WDR86: variants seen among roughly 807,000 people sequenced by gnomAD.
The protein encoded by WDR86 is WD repeat-containing protein 86.
WDR86 carries 30 observed loss-of-function variants against 36.5 expected under a neutral mutation model. The ratio of observed to expected loss-of-function variants is 0.82; its 90% confidence interval spans 0.61 to 1.11. The LOEUF is 1.11. Ranked by LOEUF, WDR86 falls within the 50% of genes most tolerant of loss-of-function variation. The probability of loss-of-function intolerance (pLI) is 0.00; values close to 1 mark genes in which losing one functional copy is unlikely to be tolerated. For missense variants in WDR86, 545 were observed against 561.2 expected, an observed-to-expected ratio of 0.97 and a Z score of 0.29; for synonymous variants, 255 against 252.9, an observed-to-expected ratio of 1.01 and a Z score of -0.08.
At chr7:151,407,481 C>T (rs970862727) in intron 1 of WDR86, among the ~76,000 whole-genome samples, 2 of 152,180 alleles carry the variant, frequency 1.3e-5, no homozygotes, top group Admixed American at 6.5e-5. Context: ...TCCCACAACC[C>T]GTCCCCAGCC....
In WDR86 at chr7:151,382,007, C is replaced by A. The variant is rs1584991847; in HGVS notation, c.863-26G>T. The A allele has an allele frequency of 1.9e-6, 3 of 1,566,788 alleles. No individual in the cohort carries two copies. The East Asian group carries it at 7.1e-5, about 37-fold the overall frequency. ...CTGCGGACACACAGCGCGCGCTGGG[C>A]CTCCCTCCCTGCTCGGCCCCCCGCA... On this transcript the variant is annotated intron_variant, in intron 4 of 5. Transcript: ENST00000334493.
At chr7:151,377,244 G>A (rs372764827), downstream of WDR86, 76 of 1,470,542 alleles carry the variant, frequency 5.2e-5, no homozygotes, top group East Asian at 1.2e-4. Flanking sequence ...CAGAAATAGC[G>A]CTAATTTTCT....
intron 3 of WDR86, among the ~76,000 whole-genome samples, chr7:151,387,640 G>A (rs1015017574): frequency 1.3e-5 from 2 of 152,232 alleles, no homozygotes; most frequent in South Asian, 2.1e-4. Flanking sequence ...GGGCTCCGCC[G>A]CTGAGGGCAC....
rs1023070099 is a variant in WDR86 at position 151,409,300 on chromosome 7, G to T, written c.163+127C>A. The T allele has an allele frequency of 2.8e-6, 4 of 1,410,286 alleles. No homozygotes were observed. The highest frequency in any genetic ancestry group is 2.9e-5 in the African/African-American group (2 of 70,170). 87.4% of individuals were successfully genotyped at this position (1,410,286 alleles called of 1,614,324 possible). On this transcript the variant is annotated intron_variant, in intron 1 of 5. Transcript: ENST00000334493. The surrounding 1 kb of genome is among the most constrained non-coding windows in gnomAD (Gnocchi z 5.2). ...GCTGGGCCCAGACAAGCGCTCTTCC[G>T]CTAGTGTGCCGGGATGAGCGGGGGC...
intron 2 of WDR86, 30 bp from the exon 3 acceptor site, chr7:151,396,226 C>T (rs1799816995): frequency 6.2e-7 from 1 of 1,612,034 alleles, no homozygotes; most frequent in African/African-American, 1.3e-5. Flanking sequence ...GGTCAGGGAT[C>T]AGAAGGCACG....
chr7:151,379,703 C>A (rs1280387937), downstream of WDR86, among the ~76,000 whole-genome samples: 1 of 152,330 alleles, frequency 6.6e-6, no homozygotes, highest in Non-Finnish European at 1.5e-5. Context: ...GTGAGTGCAG[C>A]GCCCGTGTTT....
chr7:151,381,690 G>A lies in WDR86; in HGVS notation c.1023C>T (p.Asp341=), dbSNP rs1175131031. ...GCGGGGCACCTCGGAGCCCGCGCAC[G>A]TCCCAGAGGCGCAGGGCGCCGTCGT... ...ASHDGALRLW[D]VRGLRGAPRP... Residue 341 remains aspartate, a synonymous_variant, in exon 6 of 6, where the codon GAC becomes GAT. Transcript: ENST00000334493. This position sits in a 1 kb window ranked among gnomAD's most constrained non-coding sequence, Gnocchi z 4.8. The A allele has an allele frequency of 4.9e-6, 7 of 1,440,886 alleles. No homozygotes were observed. Among genetic ancestry groups the A allele is most frequent in the Admixed American group, 3.2e-5 (1 of 31,232 alleles). 89.3% of individuals were successfully genotyped at this position (1,440,886 alleles called of 1,614,324 possible).
downstream of WDR86, among the ~76,000 whole-genome samples, chr7:151,373,396 C>G (rs1292060398): frequency 2.6e-5 from 4 of 152,154 alleles, no homozygotes; most frequent in Admixed American, 1.3e-4. Flanking sequence ...GGGAACTCTC[C>G]TGATTGGCCC....
At chr7:151,376,894 G>A (rs1287661674), downstream of WDR86, 2 of 1,475,278 alleles carry the variant, frequency 1.4e-6, no homozygotes, top group Non-Finnish European at 1.8e-6. Context: ...CACGGCAGAT[G>A]TGGAGACTGA....
intron 1 of WDR86, among the ~76,000 whole-genome samples, chr7:151,402,091 A>ATATATATATATATATATATATATATC (rs1365492180): frequency 8.1e-6 from 1 of 124,196 alleles, no homozygotes; most frequent in African/African-American, 3.2e-5. Flanking sequence ...ATATATATAT[A>ATATATATATATATATATATATATATC]TCTCCACAAA....
At chr7:151,386,852 C>T (rs921299284) in intron 3 of WDR86, among the ~76,000 whole-genome samples, 6 of 152,196 alleles carry the variant, frequency 3.9e-5, no homozygotes, top group Admixed American at 3.9e-4. Context: ...CACACTGCTG[C>T]CCCAGGACCT....
rs1163895993 is a variant in WDR86, at chr7:151,406,846, C to T, written c.163+2581G>A. 2.6e-5 allele frequency among the ~76,000 whole-genome samples: 4 copies of T among 152,014 alleles called. No homozygotes were observed. Among genetic ancestry groups the T allele is most frequent in the Non-Finnish European group, 5.9e-5 (4 of 68,004 alleles). On this transcript the variant is annotated intron_variant, in intron 1 of 5. Transcript: ENST00000334493. This position sits in a 1 kb window ranked among gnomAD's most constrained non-coding sequence, Gnocchi z 4.4. ...ACCTCAGAGTTGTGAGGATTCATTA[C>T]ACAATAAAAAAGCACAAAGATGTGT...
downstream of WDR86, among the ~76,000 whole-genome samples, chr7:151,380,038 C>G (rs79157279): frequency 0.054 from 8,217 of 152,290 alleles, 296 homozygotes; most frequent in South Asian, 0.12. Flanking sequence ...CCAATGGCTC[C>G]GGGACGCAGC....
In WDR86 at chr7:151,388,972, C is replaced by T. The variant is rs537854823; in HGVS notation, c.727-3749G>A. Among the ~76,000 whole-genome samples, 65 of 152,228 alleles carry T rather than the reference C, an allele frequency of 4.3e-4. No individual in the cohort carries two copies. Among genetic ancestry groups the T allele is most frequent in the African/African-American group, 1.4e-3 (59 of 41,534 alleles). On this transcript the variant is annotated intron_variant, in intron 3 of 5. Coordinates refer to ENST00000334493, the MANE Select transcript of WDR86 (RefSeq NM_198285.3). This position sits in a 1 kb window ranked among gnomAD's most constrained non-coding sequence, Gnocchi z 4.2. ...TTGTCCCTTCATCCAAGACGAAGGA[C>T]GTGGCAAGAGCAGCAGCCACCAGAC...
intron 3 of WDR86, among the ~76,000 whole-genome samples, chr7:151,392,833 C>T (rs1211147709): frequency 1.3e-5 from 2 of 152,190 alleles, no homozygotes; most frequent in Non-Finnish European, 2.9e-5. Flanking sequence ...CTCCACCTCC[C>T]AGAACCTTCT....
rs978553660 is a variant in WDR86 at position 151,388,008 on chromosome 7, G to C, written c.727-2785C>G. ...ACTGCTGTGCGCCACACGCAGCCCAGGGCCTGAACATGGTAACCCCCGCCC... is the reference window on the plus strand; with the variant it reads ...ACTGCTGTGCGCCACACGCAGCCCACGGCCTGAACATGGTAACCCCCGCCC... On this transcript the variant is annotated intron_variant, in intron 3 of 5. Coordinates refer to ENST00000334493, the MANE Select transcript of WDR86 (RefSeq NM_198285.3). The surrounding 1 kb of genome is among the most constrained non-coding windows in gnomAD (Gnocchi z 4.2). Among the ~76,000 whole-genome samples the C allele has an allele frequency of 1.3e-5, 2 of 152,262 alleles. No individual in the cohort carries two copies. Among genetic ancestry groups the C allele is most frequent in the African/African-American group, 4.8e-5 (2 of 41,476 alleles).
intron 4 of WDR86, 77 bp from the exon 5 acceptor site, chr7:151,382,058 G>C: frequency 7.5e-7 from 1 of 1,333,348 alleles, no homozygotes; most frequent in Non-Finnish European, 1.0e-6. Context: ...GCGAGAGCGT[G>C]ACCTGGGGCG....
intron 2 of WDR86, among the ~76,000 whole-genome samples, chr7:151,397,749 G>GGC (rs1799952674): frequency 1.4e-5 from 2 of 141,698 alleles, no homozygotes; most frequent in African/African-American, 5.5e-5. Context: ...GGAGGAAGAG[G>GGC]GTGTAGCGGG....
chr7:151,373,820 G>A (rs770495796), downstream of WDR86, among the ~76,000 whole-genome samples: 7 of 152,228 alleles, frequency 4.6e-5, no homozygotes, highest in Admixed American at 1.3e-4. Context: ...TCCTGATGCC[G>A]GATGGTGGAT....
Sources: gnomAD v4.1 joint callset for allele counts (sites outside exome capture counted in the v4.1 genomes callset) on GRCh38, gnomAD v4.1.1 for gene constraint, Gnocchi (gnomAD v3.1) non-coding constraint, MANE v1.5 for transcripts, NCBI Gene and HGNC (gene_info 2026-07-23, HGNC 2026-07-21) for gene names.